ZFHX3: variants seen among roughly 807,000 people sequenced by gnomAD.
ZFHX3 encodes the protein zinc finger homeobox protein 3.
A neutral mutation model predicts 279.1 loss-of-function variants in ZFHX3; 42 were observed. That is an observed-to-expected ratio of 0.15 (90% CI 0.12 to 0.19). The LOEUF is 0.19. Ranked by LOEUF, ZFHX3 falls within the 10% of genes least tolerant of loss-of-function variation. ZFHX3 has a pLI of 1.00. For synonymous variants in ZFHX3, 2,293 were observed against 1,957.8 expected (o/e 1.17, Z -4.52); for missense variants, 4,981 against 4,754.0 (o/e 1.05, Z -1.40).
At position 73,650,526 on chromosome 16, in the gene ZFHX3, C is replaced by T. The variant is rs542723139; in HGVS notation, c.-1547+29654G>A. Among the ~76,000 whole-genome samples, 47 of 152,260 alleles carry T rather than the reference C, an allele frequency of 3.1e-4. No individual in the cohort carries two copies. In the South Asian group the frequency reaches 6.0e-3, roughly 19 times the overall value. ...AAAAATGACATCAAAAAGCTATCCTCACTTAGATTTGCAGAATAATAATTC... is the reference window on the plus strand; with the variant it reads ...AAAAATGACATCAAAAAGCTATCCTTACTTAGATTTGCAGAATAATAATTC... On this transcript the variant is annotated intron_variant, in intron 2 of 17. Coordinates refer to the ZFHX3 transcript ENST00000641206.
intron 1 of ZFHX3, among the ~76,000 whole-genome samples, chr16:73,881,390 T>C (rs557417932): frequency 6.6e-4 from 100 of 150,530 alleles, no homozygotes; most frequent in African/African-American, 2.4e-3. Context: ...TTATGTCGTA[T>C]TGGACCCAGG....
intron 1 of ZFHX3, among the ~76,000 whole-genome samples, chr16:73,883,010 T>C (rs1299947832): frequency 2.0e-5 from 3 of 148,086 alleles, no homozygotes; most frequent in Non-Finnish European, 4.5e-5. Flanking sequence ...CCTGAGATTA[T>C]TATTTTTAGT....
intron 3 of ZFHX3, among the ~76,000 whole-genome samples, chr16:72,945,132 C>T (rs1339856343): frequency 1.3e-5 from 2 of 152,112 alleles, no homozygotes; most frequent in Non-Finnish European, 2.9e-5. Context: ...GTGTGAAATA[C>T]AACCTATTGG....
intron 5 of ZFHX3, among the ~76,000 whole-genome samples, chr16:72,824,319 A>G (rs1306089290): frequency 1.3e-5 from 2 of 152,190 alleles, no homozygotes; most frequent in African/African-American, 4.8e-5. Context: ...TTTAATAGCA[A>G]TCTTCTATAG....
At chr16:73,183,259 C>T (rs576637937) in intron 5 of ZFHX3, among the ~76,000 whole-genome samples, 5 of 152,130 alleles carry the variant, frequency 3.3e-5, no homozygotes, top group East Asian at 3.9e-4. Context: ...TTGGGTGATG[C>T]GGACACTAAA....
At chr16:72,943,068 G>A (rs1242016507) in intron 3 of ZFHX3, among the ~76,000 whole-genome samples, 1 of 152,158 alleles carries the variant, frequency 6.6e-6, no homozygotes, top group Non-Finnish European at 1.5e-5. Context: ...TTCACAAGAG[G>A]TTCTGCAAGA....
chr16:73,725,413 G>T (rs1056796150), intron 1 of ZFHX3, among the ~76,000 whole-genome samples: 2 of 152,148 alleles, frequency 1.3e-5, no homozygotes, highest in African/African-American at 4.8e-5. Flanking sequence ...AGAGCAGGAA[G>T]ACCCAGGAGA....
At position 73,479,490 on chromosome 16, in the gene ZFHX3, C is replaced by T. The variant is rs567954252; in HGVS notation, c.-1546-23232G>A. Among the ~76,000 whole-genome samples the T allele has an allele frequency of 1.1e-3, 168 of 152,296 alleles. 1 individual carries two copies. The highest frequency in any genetic ancestry group is 3.8e-3 in the African/African-American group (158 of 41,572). On this transcript the variant is annotated intron_variant, in intron 2 of 17. Coordinates refer to the ZFHX3 transcript ENST00000641206. ...CTTCTGCCCTTCTGCCAGAAACAAA[C>T]GTAGTCATCACCTCCTCCTGGAAGC...
chr16:72,848,603 C>T (rs1317171601), intron 4 of ZFHX3, among the ~76,000 whole-genome samples: 1 of 151,970 alleles, frequency 6.6e-6, no homozygotes, highest in East Asian at 1.9e-4. Context: ...CTTCGGCGGC[C>T]TCCCAGGCTG....
rs1359061356 is a variant in ZFHX3, at chr16:72,797,474, T to C, written c.5208A>G (p.Gln1736=). The stretch of plus-strand genomic sequence containing the variant: ...GCGTTTGTGCTTGTTGTTGTTGTTG[T>C]TGTTGTTGTTGTTGCTGTTGCTGCT... ...QQQQQQQQQQ[Q]QQQQQAQTLA... is the part of the protein sequence containing the mutation. The change falls in exon 9 of 10, where the codon CAA becomes CAG. Residue 1736 remains glutamine (Q), a synonymous_variant. Coordinates refer to ENST00000268489, the MANE Select transcript of ZFHX3 (RefSeq NM_006885.4). The C allele has an allele frequency of 5.6e-6, 9 of 1,613,264 alleles. No homozygotes were observed. Among genetic ancestry groups the C allele is most frequent in the Non-Finnish European group, 7.6e-6 (9 of 1,179,568 alleles).
chr16:73,573,780 A>G (rs1221446158), intron 2 of ZFHX3, among the ~76,000 whole-genome samples: 1 of 152,238 alleles, frequency 6.6e-6, no homozygotes, highest in Non-Finnish European at 1.5e-5. Flanking sequence ...ATGCCTGTGT[A>G]TATGAATAGA....
At chr16:73,766,774 A>T (rs1241914156) in intron 1 of ZFHX3, among the ~76,000 whole-genome samples, 1 of 152,102 alleles carries the variant, frequency 6.6e-6, no homozygotes, top group East Asian at 1.9e-4. Context: ...GTCGCCACTC[A>T]CTGTGCCCAG....
chr16:73,217,372 G>C (rs1171492970), intron 5 of ZFHX3, among the ~76,000 whole-genome samples: 1 of 152,110 alleles, frequency 6.6e-6, no homozygotes, highest in Non-Finnish European at 1.5e-5. Context: ...TTCAACACAA[G>C]GCAACATGCA....
At chr16:73,376,973 G>A (rs2016733455) in intron 3 of ZFHX3, among the ~76,000 whole-genome samples, 1 of 86,486 alleles carries the variant, frequency 1.2e-5, no homozygotes. Context: ...TATCATGACT[G>A]CTTTTTTTTT....
intron 3 of ZFHX3, among the ~76,000 whole-genome samples, chr16:73,387,859 A>G (rs2016932349): frequency 6.6e-6 from 1 of 152,026 alleles, no homozygotes; most frequent in Non-Finnish European, 1.5e-5. Context: ...GTCAGAGATC[A>G]TGTATGACAG....
At chr16:73,484,067 C>G (rs964560516) in intron 2 of ZFHX3, among the ~76,000 whole-genome samples, 1 of 151,688 alleles carries the variant, frequency 6.6e-6, no homozygotes, top group Non-Finnish European at 1.5e-5. Flanking sequence ...CAGGAGGGTC[C>G]GGGGGGAAGA....
chr16:73,396,600 G>A (rs993111406), intron 3 of ZFHX3, among the ~76,000 whole-genome samples: 3 of 152,148 alleles, frequency 2.0e-5, no homozygotes, highest in Admixed American at 6.5e-5. Context: ...GGGGAAGCAA[G>A]TACATCTTAT....
rs146751692 is a variant in ZFHX3 at position 72,914,176 on chromosome 16, A to G, written c.3217-24214T>C. On this transcript the variant is annotated intron_variant, in intron 3 of 9. Coordinates refer to ENST00000268489, the MANE Select transcript of ZFHX3 (RefSeq NM_006885.4). ...AATTTCAGGGCAGTTAAAATGCGGC[A>G]GCACCATGTCACTCCCACAGTGGCA... Among the ~76,000 whole-genome samples the G allele has an allele frequency of 2.1e-3, 318 of 152,334 alleles. 8 individuals are homozygous for G. In the East Asian group the frequency reaches 0.054, roughly 26 times the overall value.
At chr16:73,715,856 G>C (rs562533774) in intron 1 of ZFHX3, among the ~76,000 whole-genome samples, 182 of 152,196 alleles carry the variant, frequency 1.2e-3, no homozygotes, top group African/African-American at 4.2e-3. Flanking sequence ...ACAGGCATGA[G>C]CCACTGTGCC....
Sources: gnomAD v4.1 joint callset for allele counts (sites outside exome capture counted in the v4.1 genomes callset) on GRCh38, gnomAD v4.1.1 for gene constraint, MANE v1.5 for transcripts, NCBI Gene and HGNC (gene_info 2026-07-23, HGNC 2026-07-21) for gene names.